Variants in TIMD4 observed in about 807,000 individuals in gnomAD.
TIMD4 encodes the protein T-cell immunoglobulin and mucin domain-containing protein 4.
Under a neutral mutation model 41.2 loss-of-function variants are expected in TIMD4, and 31 were observed. The observed-to-expected ratio is 0.75, with a 90% CI of 0.57 to 1.01. The LOEUF is 1.01. Among genes scored for constraint, TIMD4 ranks in the 50% least tolerant of loss-of-function variants. The pLI is 0.00. For synonymous variants in TIMD4, 204 were observed against 177.1 expected (o/e 1.15, Z -1.21); for missense variants, 479 against 472.5 (o/e 1.01, Z -0.13).
At chr5:156,944,008 C>T (rs1300470611) in intron 5 of TIMD4, among the ~76,000 whole-genome samples, 1 of 150,584 alleles carries the variant, frequency 6.6e-6, no homozygotes, top group Non-Finnish European at 1.5e-5. Flanking sequence ...TGCAGTGAGC[C>T]GAGACCATGC....
rs780115131 is a variant in TIMD4 at position 156,954,606 on chromosome 5, C to T, written c.209G>A (p.Arg70His). 19 of 1,613,960 alleles carry T rather than the reference C, an allele frequency of 1.2e-5. No homozygotes were observed. Among genetic ancestry groups the T allele is most frequent in the Middle Eastern group, 3.3e-4 (2 of 6,084 alleles). Residue 70 changes from arginine (R) to histidine (H), a missense_variant, in exon 2 of 9, where the codon CGC becomes CAC. Coordinates refer to ENST00000274532, the MANE Select transcript of TIMD4 (RefSeq NM_138379.3). ...TGAGGTCACCCTCATTCCATCAGTG[C>T]GGATGAGCGCCTCCTTGCAACCGGA... ...PYSGCKEALI[R>H]TDGMRVTSRK...
Position 156,949,704 on chromosome 5 carries a change from G to C in TIMD4, c.707C>G (p.Ser236Cys). The C allele has an allele frequency of 1.2e-6, 2 of 1,613,414 alleles. No individual in the cohort carries two copies. The highest frequency in any genetic ancestry group is 1.7e-6 in the Non-Finnish European group (2 of 1,179,418). Residue 236 changes from serine (S) to cysteine (C), a missense_variant, in exon 4 of 9, where the codon TCC becomes TGC. Transcript: ENST00000274532. ...AESETVLPSD[S>C]WSSVESTSAD... is the part of the protein sequence containing the mutation. ...AGAAGTAGACTCAACACTACTCCAG[G>C]AATCACTGGGGAGGACAGTTTCTGA... is the stretch of plus-strand genomic sequence containing the variant.
intron 5 of TIMD4, 99 bp from the exon 6 acceptor site, chr5:156,926,411 T>C: frequency 1.7e-6 from 2 of 1,182,160 alleles, no homozygotes; most frequent in Non-Finnish European, 2.5e-6. Flanking sequence ...GAACTGCAGC[T>C]GATGTGTTTA....
At chr5:156,952,447 A>G (rs1243095968) in intron 2 of TIMD4, among the ~76,000 whole-genome samples, 1 of 151,836 alleles carries the variant, frequency 6.6e-6, no homozygotes, top group East Asian at 1.9e-4. Flanking sequence ...TTCCAATCTC[A>G]TATCTCCACC....
rs774244018 is a variant in TIMD4, at chr5:156,954,542, C to T, written c.273G>A (p.Pro91=). 1.4e-5 allele frequency: 23 copies of T among 1,614,128 alleles called. No individual in the cohort carries two copies. The Admixed American group carries it at 2.3e-4, about 16-fold the overall frequency. ...AGATGGTCAAGGAGACATCACCTCT[C>T]GGGATAGTCCCCTGAAGTCTATATT... ...SAKYRLQGTI[P]RGDVSLTILN... is the part of the protein sequence containing the mutation. The change falls in exon 2 of 9, where the codon CCG becomes CCA. Residue 91 remains proline (P), a synonymous_variant. Coordinates refer to ENST00000274532, the MANE Select transcript of TIMD4 (RefSeq NM_138379.3).
At chr5:156,950,089 G>C (rs1180316495) in intron 3 of TIMD4, among the ~76,000 whole-genome samples, 1 of 151,212 alleles carries the variant, frequency 6.6e-6, no homozygotes, top group East Asian at 2.0e-4. Context: ...AAGTGCTGAG[G>C]TTACAGGCAT....
chr5:156,926,058 C>T (rs571244194), intron 6 of TIMD4, among the ~76,000 whole-genome samples: 2 of 152,326 alleles, frequency 1.3e-5, no homozygotes, highest in East Asian at 3.9e-4. Context: ...CATGTGCCAC[C>T]ACACCTGGCT....
chr5:156,952,757 G>A (rs1030695401), intron 2 of TIMD4, among the ~76,000 whole-genome samples: 10 of 152,142 alleles, frequency 6.6e-5, no homozygotes, highest in South Asian at 4.1e-4. Flanking sequence ...TGTTTATCCC[G>A]TTAAACTTTA....
intron 5 of TIMD4, among the ~76,000 whole-genome samples, chr5:156,933,906 C>T (rs1759492303): frequency 6.6e-6 from 1 of 152,104 alleles, no homozygotes; most frequent in South Asian, 2.1e-4. Context: ...TATTGGTCTA[C>T]TGGTGCAAAA....
intron 5 of TIMD4, among the ~76,000 whole-genome samples, chr5:156,942,765 C>G (rs973235792): frequency 3.9e-5 from 6 of 152,164 alleles, no homozygotes; most frequent in Non-Finnish European, 8.8e-5. Context: ...GCAAACTGGA[C>G]CACAGCTCTT....
chr5:156,922,219 G>C lies in TIMD4; in HGVS notation c.895-3C>G. On this transcript the variant is annotated splice_polypyrimidine_tract_variant and splice_region_variant and intron_variant, in intron 6 of 8. Transcript: ENST00000274532. ...ATTGACATGGGTATTCCATCCATCT[G>C]ATGGGACACAGGCAAGGAGATGGAC... 2 of 1,610,374 alleles carry C rather than the reference G, an allele frequency of 1.2e-6. No homozygotes were observed. Among genetic ancestry groups the C allele is most frequent in the African/African-American group, 2.7e-5 (2 of 74,944 alleles).
chr5:156,956,948 C>A (rs1759982515), intron 1 of TIMD4, among the ~76,000 whole-genome samples: 1 of 152,172 alleles, frequency 6.6e-6, no homozygotes, highest in African/African-American at 2.4e-5. Context: ...AGGCATTCCT[C>A]TCTCTAGGAG....
At chr5:156,951,851 C>G in intron 2 of TIMD4, 61 bp from the exon 3 acceptor site, 1 of 1,598,472 alleles carries the variant, frequency 6.3e-7, no homozygotes, top group Non-Finnish European at 8.5e-7. Flanking sequence ...GAAAATAATG[C>G]AAGTATATCT....
intron 5 of TIMD4, among the ~76,000 whole-genome samples, chr5:156,937,437 G>T (rs80126328): frequency 0.021 from 3,141 of 152,194 alleles, 98 homozygotes; most frequent in African/African-American, 0.068. Flanking sequence ...TATTCTACCC[G>T]CTGTGAAATC....
Position 156,919,399 on chromosome 5 carries a change from C to T in TIMD4, c.*58G>A, listed in dbSNP as rs1759193666. ...TATGAAACAAGGAAATCTACTAAGA[C>T]TTATTTTGACACTGGAGTGTCATGC... On this transcript the variant is annotated 3_prime_UTR_variant, in exon 9 of 9. Transcript: ENST00000274532. 3 of 1,455,406 alleles carry T rather than the reference C, an allele frequency of 2.1e-6. No individual in the cohort carries two copies. Among genetic ancestry groups the T allele is most frequent in the South Asian group, 2.3e-5 (2 of 86,640 alleles). The allele number at this position is 1,455,406 out of a possible 1,614,324, so 90.2% of individuals were successfully genotyped here.
chr5:156,937,734 T>C (rs566884430), intron 5 of TIMD4, among the ~76,000 whole-genome samples: 2 of 152,342 alleles, frequency 1.3e-5, no homozygotes, highest in African/African-American at 4.8e-5. Context: ...TCAATTCCAA[T>C]GTTATTAATA....
chr5:156,920,679 T>G (rs1443002143), intron 7 of TIMD4, among the ~76,000 whole-genome samples, 176 bp from the exon 8 acceptor site: 1 of 152,234 alleles, frequency 6.6e-6, no homozygotes, highest in Non-Finnish European at 1.5e-5. Flanking sequence ...CTTGCTATTT[T>G]AACCACAGTT....
Position 156,951,597 on chromosome 5 carries a change from A to G in TIMD4, c.594T>C (p.Leu198=). Reference sequence around the variant, plus strand: ...CCGGAAGGGTGCTTGGGGTTAGTGAAAGGCACGTGTTTGCTGTTGTGAAGA... The same window carrying G: ...CCGGAAGGGTGCTTGGGGTTAGTGAGAGGCACGTGTTTGCTGTTGTGAAGA... ...IAVFTTANTC[L]SLTPSTLPEE... The change falls in exon 3 of 9, where the codon CTT becomes CTC. Residue 198 remains leucine, a synonymous_variant. Coordinates refer to ENST00000274532, the MANE Select transcript of TIMD4 (RefSeq NM_138379.3). 6.2e-7 allele frequency: 1 copy of G among 1,614,126 alleles called. No individual in the cohort carries two copies. The highest frequency in any genetic ancestry group is 8.5e-7 in the Non-Finnish European group (1 of 1,180,030).
At chr5:156,924,105 C>G (rs1759304040) in intron 6 of TIMD4, 2 of 248,694 alleles carry the variant, frequency 8.0e-6, no homozygotes, top group Non-Finnish European at 1.6e-5. Context: ...GTGAAAGTCC[C>G]CACTGCCAGT....
Sources: allele counts gnomAD v4.1 joint callset (sites outside exome capture counted in the v4.1 genomes callset), GRCh38; gene constraint gnomAD v4.1.1; transcripts MANE v1.5; gene names NCBI Gene and HGNC (gene_info 2026-07-23, HGNC 2026-07-21).